TTLL11: variants seen among roughly 807,000 people sequenced by gnomAD.
The protein encoded by TTLL11 is tubulin tyrosine ligase like 11, also known as tubulin polyglutamylase TTLL11.
In TTLL11, 42 loss-of-function variants were observed where a neutral mutation model predicts 51.7. That is an observed-to-expected ratio of 0.81 (90% CI 0.64 to 1.05). TTLL11 has a LOEUF of 1.05. Ranked by LOEUF, TTLL11 falls within the 50% of genes least tolerant of loss-of-function variation. The pLI is 0.00. For missense variants in TTLL11, 799 were observed against 940.4 expected (o/e 0.85, Z 1.97); for synonymous variants, 381 against 383.5 (o/e 0.99, Z 0.08).
At chr9:121,963,297 G>A (rs1440750033) in intron 6 of TTLL11, among the ~76,000 whole-genome samples, 1 of 152,182 alleles carries the variant, frequency 6.6e-6, no homozygotes, top group African/African-American at 2.4e-5. Context: ...CTGAACTCCA[G>A]AAAGTCTAAG....
intron 6 of TTLL11, among the ~76,000 whole-genome samples, chr9:121,931,720 T>C (rs1221135954): frequency 1.3e-5 from 2 of 151,774 alleles, no homozygotes; most frequent in African/African-American, 4.8e-5. Flanking sequence ...TGTGGAACAA[T>C]AGAGGGCTCT....
chr9:122,053,681 G>A (rs895710537), intron 1 of TTLL11, among the ~76,000 whole-genome samples: 7 of 152,136 alleles, frequency 4.6e-5, no homozygotes, highest in East Asian at 1.9e-4. Context: ...AAAAGTATGC[G>A]CAGGGAGCAG....
chr9:122,036,977 T>C (rs10818619), intron 2 of TTLL11, among the ~76,000 whole-genome samples: 30,833 of 152,162 alleles, frequency 0.2, 3,444 homozygotes, highest in Non-Finnish European at 0.24. Context: ...ATGTGGAATA[T>C]GGGATGGGGC....
At chr9:121,967,663 G>T (rs961961835) in intron 6 of TTLL11, among the ~76,000 whole-genome samples, 4 of 152,156 alleles carry the variant, frequency 2.6e-5, no homozygotes, top group African/African-American at 9.7e-5. Flanking sequence ...TCGCTTCAAA[G>T]GAAATCTAAT....
intron 3 of TTLL11, among the ~76,000 whole-genome samples, chr9:121,993,289 T>C (rs986826831): frequency 2.0e-5 from 3 of 152,276 alleles, no homozygotes; most frequent in African/African-American, 7.2e-5. Context: ...GTTAATCTGG[T>C]AAATCTTGTC....
chr9:122,014,865 T>C (rs1843918064), intron 3 of TTLL11, among the ~76,000 whole-genome samples: 1 of 152,166 alleles, frequency 6.6e-6, no homozygotes, highest in African/African-American at 2.4e-5. Flanking sequence ...AATGAATGAA[T>C]GGTCACCTTC....
intron 6 of TTLL11, among the ~76,000 whole-genome samples, chr9:121,892,893 G>C (rs907242396): frequency 6.6e-6 from 1 of 152,164 alleles, no homozygotes. Flanking sequence ...GGGGGTTGCA[G>C]AAGGATCAGG....
intron 8 of TTLL11, among the ~76,000 whole-genome samples, chr9:121,842,228 T>C (rs919805014): frequency 1.3e-5 from 2 of 149,880 alleles, no homozygotes; most frequent in African/African-American, 5.0e-5. Context: ...TTGAAAGAGA[T>C]GATCTTTAGG....
rs559226242 is a variant in TTLL11 at position 122,064,073 on chromosome 9, G to A, written c.463-24705C>T. 5.3e-4 allele frequency among the ~76,000 whole-genome samples: 80 copies of A among 152,238 alleles called. 2 individuals carry two copies. In the South Asian group the frequency reaches 0.016, roughly 30 times the overall value. On this transcript the variant is annotated intron_variant, in intron 1 of 8. Coordinates refer to ENST00000321582, the MANE Select transcript of TTLL11 (RefSeq NM_001139442.2). ...TCTTATTCTCTTCTAAAGAATTCCA[G>A]GAAAAGAGATTCCATAAAGCTATCT... is the stretch of plus-strand genomic sequence containing the variant.
At chr9:121,918,726 A>G (rs1472755857) in intron 6 of TTLL11, among the ~76,000 whole-genome samples, 1 of 152,266 alleles carries the variant, frequency 6.6e-6, no homozygotes, top group Non-Finnish European at 1.5e-5. Context: ...CATGTCATCA[A>G]TCACAGAATG....
intron 6 of TTLL11, among the ~76,000 whole-genome samples, chr9:121,887,284 A>G (rs1839044966): frequency 6.6e-6 from 1 of 152,168 alleles, no homozygotes; most frequent in South Asian, 2.1e-4. Context: ...ACAGAGCTAA[A>G]AGCAACACTC....
At chr9:121,854,969 T>A (rs7036885) in intron 8 of TTLL11, among the ~76,000 whole-genome samples, 2,443 of 152,284 alleles carry the variant, frequency 0.016, 74 homozygotes, top group African/African-American at 0.056. Flanking sequence ...CTGGAGAGCA[T>A]AAGCTACATG....
chr9:121,874,843 G>A (rs980772457), intron 6 of TTLL11, among the ~76,000 whole-genome samples: 6 of 149,904 alleles, frequency 4.0e-5, no homozygotes, highest in Admixed American at 1.3e-4. Context: ...TGCAACCTCC[G>A]CCTCCCGGGT....
intron 3 of TTLL11, among the ~76,000 whole-genome samples, chr9:122,004,505 A>G (rs2131732280): frequency 6.6e-6 from 1 of 152,182 alleles, no homozygotes; most frequent in African/African-American, 2.4e-5. Flanking sequence ...ATGCACCACC[A>G]TGCCCAGCTA....
intron 6 of TTLL11, among the ~76,000 whole-genome samples, chr9:121,877,158 G>T (rs531793302): frequency 6.6e-6 from 1 of 152,246 alleles, no homozygotes. Flanking sequence ...CGGCCAAGGC[G>T]AAGTCCCCTC....
chr9:121,929,123 C>G (rs1056250649), intron 6 of TTLL11, among the ~76,000 whole-genome samples: 1 of 152,096 alleles, frequency 6.6e-6, no homozygotes, highest in African/African-American at 2.4e-5. Flanking sequence ...CAAAGGCCCC[C>G]AAACCACACA....
intron 6 of TTLL11, among the ~76,000 whole-genome samples, chr9:121,896,014 TTGTGTGTG>T (rs537974073): frequency 7.0e-5 from 7 of 100,042 alleles, no homozygotes; most frequent in African/African-American, 2.6e-4. Context: ...GTATGTGTGG[TTGTGTGTG>T]TGTATGAATG....
intron 4 of TTLL11, among the ~76,000 whole-genome samples, chr9:121,978,790 T>C (rs13299260): frequency 0.51 from 77,825 of 151,762 alleles, 20,509 homozygotes; most frequent in African/African-American, 0.6. Flanking sequence ...AACTACATCC[T>C]AACAGCAGTG....
At chr9:122,006,976 T>C (rs1843665647) in intron 3 of TTLL11, among the ~76,000 whole-genome samples, 1 of 96,254 alleles carries the variant, frequency 1.0e-5, no homozygotes, top group Non-Finnish European at 1.9e-5. Context: ...AGCGAGATAC[T>C]CTGTCAAAAA....
Sources: allele counts gnomAD v4.1 joint callset (sites outside exome capture counted in the v4.1 genomes callset), GRCh38; gene constraint gnomAD v4.1.1; transcripts MANE v1.5; gene names NCBI Gene and HGNC (gene_info 2026-07-23, HGNC 2026-07-21).